DOCK5: variants seen among roughly 807,000 people sequenced by gnomAD.
DOCK5 encodes the protein dedicator of cytokinesis protein 5.
Under a neutral mutation model 251.8 loss-of-function variants are expected in DOCK5, and 142 were observed. The ratio of observed to expected loss-of-function variants is 0.56; its 90% CI spans 0.49 to 0.65. The LOEUF is 0.65. DOCK5 is among the 30% of genes least tolerant of loss of function. DOCK5 has a pLI of 0.00. For missense variants in DOCK5, 2,111 were observed against 2,312.3 expected (o/e 0.91, Z 1.79); for synonymous variants, 842 against 835.5 (o/e 1.01, Z -0.13).
intron 12 of DOCK5, 149 bp downstream of exon 12, chr8:25,309,074 T>C: frequency 9.5e-7 from 1 of 1,052,648 alleles, no homozygotes; most frequent in Non-Finnish European, 1.3e-6. Context: ...AACCACAGGC[T>C]TTTAATACTG....
At chr8:25,228,992 A>T (rs1464123058) in intron 1 of DOCK5, among the ~76,000 whole-genome samples, 1 of 151,438 alleles carries the variant, frequency 6.6e-6, no homozygotes, top group African/African-American at 2.4e-5. Flanking sequence ...GCACTCGGGG[A>T]GGCCAAGACG....
chr8:25,208,439 T>G (rs187339003), intron 1 of DOCK5, among the ~76,000 whole-genome samples: 1 of 152,304 alleles, frequency 6.6e-6, no homozygotes, highest in East Asian at 1.9e-4. Flanking sequence ...CAAACTTAAT[T>G]GCTGTCTTAT....
At chr8:25,346,715 T>G (rs533531137) in intron 26 of DOCK5, among the ~76,000 whole-genome samples, 2 of 147,814 alleles carry the variant, frequency 1.4e-5, no homozygotes, top group South Asian at 4.4e-4. Flanking sequence ...TCCCAGCTAC[T>G]CGGGAGGCCG....
chr8:25,409,989 T>A, intron 50 of DOCK5, 110 bp from the exon 51 acceptor site: 5 of 818,762 alleles, frequency 6.1e-6, no homozygotes, highest in Non-Finnish European at 9.9e-6. Flanking sequence ...AATGTGGCTT[T>A]CATCAGTTGG....
At chr8:25,365,723 C>T (rs1470275329) in intron 30 of DOCK5, among the ~76,000 whole-genome samples, 1 of 152,178 alleles carries the variant, frequency 6.6e-6, no homozygotes, top group Non-Finnish European at 1.5e-5. Context: ...AAAGGGGTAG[C>T]CTCTGATCCT....
At chr8:25,403,345 G>A (rs143095319) in intron 47 of DOCK5, among the ~76,000 whole-genome samples, 1 of 152,112 alleles carries the variant, frequency 6.6e-6, no homozygotes, top group Non-Finnish European at 1.5e-5. Flanking sequence ...CATCAGGGAG[G>A]TTTAACCTAA....
intron 26 of DOCK5, among the ~76,000 whole-genome samples, chr8:25,350,067 G>T (rs896638301): frequency 9.2e-5 from 14 of 152,146 alleles, no homozygotes; most frequent in Non-Finnish European, 1.8e-4. Flanking sequence ...AGAAAGTGTC[G>T]GTTATAGGAT....
intron 26 of DOCK5, among the ~76,000 whole-genome samples, chr8:25,351,207 G>A (rs1302925661): frequency 3.3e-5 from 5 of 152,128 alleles, no homozygotes; most frequent in East Asian, 3.9e-4. Flanking sequence ...ACAGATGCCC[G>A]CCACCACGCC....
At chr8:25,220,015 T>C (rs1214621378) in intron 1 of DOCK5, among the ~76,000 whole-genome samples, 3 of 148,704 alleles carry the variant, frequency 2.0e-5, no homozygotes, top group Non-Finnish European at 4.5e-5. Flanking sequence ...TCTTCTTTTT[T>C]TTTTGTCTAT....
At chr8:25,341,364 T>A (rs2960180) in intron 23 of DOCK5, among the ~76,000 whole-genome samples, 148,256 of 152,210 alleles carry the variant, frequency 0.97, 72,309 homozygotes, top group Middle Eastern at 1. Flanking sequence ...ATAATTTTTT[T>A]AAAAAATATG....
intron 13 of DOCK5, among the ~76,000 whole-genome samples, chr8:25,314,283 ATTTT>A (rs370101405): frequency 7.4e-6 from 1 of 135,198 alleles, no homozygotes; most frequent in Non-Finnish European, 1.6e-5. Context: ...GGCTAATTTA[ATTTT>A]TTTTTTTTTT....
chr8:25,373,790 C>T, intron 36 of DOCK5, 132 bp downstream of exon 36: 3 of 807,906 alleles, frequency 3.7e-6, no homozygotes, highest in Non-Finnish European at 3.9e-6. Context: ...TGATACGCTC[C>T]ATTCACCCTG....
intron 1 of DOCK5, among the ~76,000 whole-genome samples, chr8:25,192,692 CG>C (rs1198578774): frequency 6.6e-6 from 1 of 151,976 alleles, no homozygotes; most frequent in African/African-American, 2.4e-5. Context: ...TTGTTGTTTT[CG>C]TAGACACAGG....
chr8:25,391,965 A>G lies in DOCK5; in HGVS notation c.4425A>G (p.Pro1475=), dbSNP rs201903296. The G allele has an allele frequency of 2.5e-6, 4 of 1,613,810 alleles. No homozygotes were observed. In the East Asian group the frequency reaches 8.9e-5, roughly 36 times the overall value. The stretch of plus-strand genomic sequence containing the variant: ...CGTTCCGGAAAGGAGAAAAGGATCC[A>G]GACAATGAATTTGCTGTGAGTTCAC... ...SRPFRKGEKD[P]DNEFATMWIE... The change falls in exon 43 of 52, where the codon CCA becomes CCG. Residue 1475 remains proline, a synonymous_variant. Coordinates refer to ENST00000276440, the MANE Select transcript of DOCK5 (RefSeq NM_024940.8).
chr8:25,384,868 A>G (rs2117308836), intron 40 of DOCK5, among the ~76,000 whole-genome samples: 1 of 152,094 alleles, frequency 6.6e-6, no homozygotes, highest in East Asian at 1.9e-4. Flanking sequence ...GGGAGGCAGA[A>G]ATTGCAATGA....
chr8:25,283,457 G>A (rs890554884), intron 5 of DOCK5, among the ~76,000 whole-genome samples: 23 of 152,278 alleles, frequency 1.5e-4, no homozygotes, highest in East Asian at 1.2e-3. Flanking sequence ...AAAAGCTGCC[G>A]TGTTGACCGC....
At chr8:25,233,546 C>T (rs1802723019) in intron 1 of DOCK5, among the ~76,000 whole-genome samples, 1 of 152,062 alleles carries the variant, frequency 6.6e-6, no homozygotes, top group African/African-American at 2.4e-5. Flanking sequence ...TATTCTTAAC[C>T]AGAAGAGTTA....
Position 25,374,588 on chromosome 8 carries a change from G to GCA in DOCK5, c.3752_3753dup (p.Arg1252ThrfsTer70), listed in dbSNP as rs1169013250. On this transcript the variant is annotated frameshift_variant, in exon 37 of 52. Transcript: ENST00000276440. LOFTEE classifies it high-confidence loss of function. ...GATATCTGTACAAGCTTCGAGATTTGCACCGAGACTGTGAGAACTACACAG... is the reference window on the plus strand; with the variant it reads ...GATATCTGTACAAGCTTCGAGATTTGCACACCGAGACTGTGAGAACTACACAG... The GCA allele has an allele frequency of 6.2e-7, 1 of 1,610,194 alleles. No individual in the cohort carries two copies. Among genetic ancestry groups the GCA allele is most frequent in the Non-Finnish European group, 8.5e-7 (1 of 1,179,040 alleles).
intron 13 of DOCK5, among the ~76,000 whole-genome samples, chr8:25,314,457 C>G (rs967763562): frequency 8.6e-5 from 13 of 151,914 alleles, no homozygotes; most frequent in African/African-American, 2.7e-4. Flanking sequence ...CTCAGCATCC[C>G]CATTTGGACC....
Sources: allele counts gnomAD v4.1 joint callset (sites outside exome capture counted in the v4.1 genomes callset), GRCh38; gene constraint gnomAD v4.1.1; transcripts MANE v1.5; gene names NCBI Gene and HGNC (gene_info 2026-07-23, HGNC 2026-07-21).